Variants in STK32B observed in about 807,000 individuals in gnomAD.
The protein encoded by STK32B is serine/threonine-protein kinase 32B.
STK32B carries 43 observed loss-of-function variants against 52.6 expected under a neutral mutation model. That is an observed-to-expected ratio of 0.82 (90% CI 0.64 to 1.05). STK32B has a LOEUF of 1.05. Among genes scored for constraint, STK32B ranks in the 50% least tolerant of loss-of-function variants. The pLI is 0.00. For missense variants in STK32B, 621 were observed against 534.6 expected (o/e 1.16, Z -1.59); for synonymous variants, 238 against 204.3 (o/e 1.17, Z -1.41).
At chr4:5,244,571 T>G (rs1391166661) in intron 3 of STK32B, among the ~76,000 whole-genome samples, 1 of 152,194 alleles carries the variant, frequency 6.6e-6, no homozygotes, top group Non-Finnish European at 1.5e-5. Context: ...TGTGTCTCTG[T>G]TTCCTTCAGT....
At position 5,141,140 on chromosome 4, in the gene STK32B, A is replaced by G. The variant is rs148267843; in HGVS notation, c.108+1180A>G. 5.2e-4 allele frequency among the ~76,000 whole-genome samples: 79 copies of G among 152,320 alleles called. No homozygotes were observed. In the East Asian group the frequency reaches 0.014, roughly 27 times the overall value. The stretch of plus-strand genomic sequence containing the variant: ...TGGTAACAATTCAGTTCCACAGCAC[A>G]CTAGCTGCATTTTAAGTGCTCAGTA... On this transcript the variant is annotated intron_variant, in intron 2 of 11. Coordinates refer to ENST00000282908, the MANE Select transcript of STK32B (RefSeq NM_018401.3).
rs142937275 is a variant in STK32B at position 5,369,888 on chromosome 4, T to G, written c.435-28319T>G. 6.1e-3 allele frequency among the ~76,000 whole-genome samples: 927 copies of G among 151,262 alleles called. 11 individuals are homozygous for G. The highest frequency in any genetic ancestry group is 0.02 in the African/African-American group (826 of 41,500). On this transcript the variant is annotated intron_variant, in intron 4 of 11. Coordinates refer to ENST00000282908, the MANE Select transcript of STK32B (RefSeq NM_018401.3). ...ATTTTTTTTGTTTGTTTGTTTGTTT[T>G]TTTTTGAGACGGCGTCTTGCTCTGT...
chr4:5,099,325 A>G (rs1436759707), intron 1 of STK32B, among the ~76,000 whole-genome samples: 1 of 152,208 alleles, frequency 6.6e-6, no homozygotes, highest in Non-Finnish European at 1.5e-5. Flanking sequence ...TAGGAACTAG[A>G]ATGTGGGCAT....
At chr4:5,340,428 G>A (rs1242129836) in intron 4 of STK32B, among the ~76,000 whole-genome samples, 1 of 152,226 alleles carries the variant, frequency 6.6e-6, no homozygotes, top group Non-Finnish European at 1.5e-5. Flanking sequence ...TGGGCAGAAG[G>A]GCCCAAACTT....
intron 11 of STK32B, among the ~76,000 whole-genome samples, chr4:5,494,676 G>A (rs1054945381): frequency 1.3e-5 from 2 of 152,078 alleles, no homozygotes; most frequent in African/African-American, 4.8e-5. Context: ...AGCCTCGATG[G>A]TCTTTACATT....
intron 3 of STK32B, among the ~76,000 whole-genome samples, chr4:5,314,496 C>G (rs984964653): frequency 6.6e-6 from 1 of 152,122 alleles, no homozygotes; most frequent in East Asian, 1.9e-4. Flanking sequence ...ACGTTGAAAC[C>G]CTGTCTCTAC....
At chr4:5,298,991 C>T (rs751340655) in intron 3 of STK32B, among the ~76,000 whole-genome samples, 1 of 152,048 alleles carries the variant, frequency 6.6e-6, no homozygotes, top group Non-Finnish European at 1.5e-5. Flanking sequence ...AGTATCTGGG[C>T]CAGATAGCAC....
chr4:5,189,747 TGGCTGTGCCATTTTGGATTCC>T (rs1721033828), intron 3 of STK32B, among the ~76,000 whole-genome samples: 1 of 152,160 alleles, frequency 6.6e-6, no homozygotes, highest in Non-Finnish European at 1.5e-5. Context: ...TTTTCCAAAA[TGGCTGTGCCATTTTGGATTCC>T]CACCAGGGAG....
intron 3 of STK32B, among the ~76,000 whole-genome samples, chr4:5,276,964 A>T (rs1218624834): frequency 6.6e-6 from 1 of 152,176 alleles, no homozygotes; most frequent in Non-Finnish European, 1.5e-5. Flanking sequence ...GTTTAATGCC[A>T]TTCATTTGGA....
intron 3 of STK32B, among the ~76,000 whole-genome samples, chr4:5,315,702 C>T (rs1263466007): frequency 2.9e-5 from 4 of 136,116 alleles, no homozygotes; most frequent in South Asian, 2.3e-4. Context: ...TTTTTTGAGA[C>T]GGAGTTTCAC....
rs539108389 is a variant in STK32B, at chr4:5,399,040, G to A, written c.472+796G>A. On this transcript the variant is annotated intron_variant, in intron 5 of 11. Coordinates refer to ENST00000282908, the MANE Select transcript of STK32B (RefSeq NM_018401.3). This position sits in a 1 kb window ranked among gnomAD's most constrained non-coding sequence, Gnocchi z 5.4. ...CCTGTGTCCTGTGTTGGGATGGAATGCCCACAAAGTTTAAGAACCATGAGC... is the reference window on the plus strand; with the variant it reads ...CCTGTGTCCTGTGTTGGGATGGAATACCCACAAAGTTTAAGAACCATGAGC... Among the ~76,000 whole-genome samples the A allele has an allele frequency of 2.0e-4, 30 of 151,468 alleles. No individual in the cohort carries two copies. The South Asian group carries it at 6.2e-3, about 31-fold the overall frequency.
chr4:5,240,056 CTCTCTCTCTCTCTCTCTG>C (rs1381320823), intron 3 of STK32B, among the ~76,000 whole-genome samples: 2 of 80,638 alleles, frequency 2.5e-5, no homozygotes, highest in South Asian at 3.6e-4. Flanking sequence ...TTTCTCTTCT[CTCTCTCTCTCTCTCTCTG>C]TCTCTCTCTC....
rs1008616764 is a variant in STK32B, at chr4:5,066,595, C to G, written c.52+14680C>G. 3.3e-5 allele frequency among the ~76,000 whole-genome samples: 5 copies of G among 152,192 alleles called. No homozygotes were observed. The East Asian group carries it at 9.6e-4, about 29-fold the overall frequency. ...CTCCCAACTCACTGCAAGCTGTGTTCCCCTTCACTGAATGAGTTCAATTAG... is the reference window on the plus strand; with the variant it reads ...CTCCCAACTCACTGCAAGCTGTGTTGCCCTTCACTGAATGAGTTCAATTAG... On this transcript the variant is annotated intron_variant, in intron 1 of 11. Transcript: ENST00000282908.
intron 3 of STK32B, among the ~76,000 whole-genome samples, chr4:5,209,501 G>T (rs1936132270): frequency 6.6e-6 from 1 of 152,204 alleles, no homozygotes; most frequent in Admixed American, 6.5e-5. Flanking sequence ...TGGGATTATA[G>T]GTGAGAGCCA....
intron 1 of STK32B, among the ~76,000 whole-genome samples, chr4:5,081,810 C>A (rs1377837450): frequency 6.6e-6 from 1 of 152,088 alleles, no homozygotes; most frequent in Non-Finnish European, 1.5e-5. Context: ...TTTCTGTGTT[C>A]TCCTATACCT....
chr4:5,350,156 T>C (rs952109122), intron 4 of STK32B, among the ~76,000 whole-genome samples: 1 of 152,150 alleles, frequency 6.6e-6, no homozygotes, highest in Non-Finnish European at 1.5e-5. Flanking sequence ...AAAGGTTTAC[T>C]CCATGGCACA....
chr4:5,126,584 A>C (rs888928136), intron 1 of STK32B, among the ~76,000 whole-genome samples: 10 of 151,192 alleles, frequency 6.6e-5, no homozygotes, highest in African/African-American at 2.4e-4. Flanking sequence ...TGTAGAAATA[A>C]AAAGATATTT....
At chr4:5,079,686 A>T (rs1056826867) in intron 1 of STK32B, among the ~76,000 whole-genome samples, 3 of 151,886 alleles carry the variant, frequency 2.0e-5, no homozygotes, top group Non-Finnish European at 2.9e-5. Flanking sequence ...TTACTCTTCC[A>T]CCCCTCATTT....
chr4:5,061,968 A>G (rs1742234880), intron 1 of STK32B, among the ~76,000 whole-genome samples: 1 of 152,198 alleles, frequency 6.6e-6, no homozygotes, highest in Non-Finnish European at 1.5e-5. Context: ...TTCCCTTGAT[A>G]GCTCTGTAAC....
Sources: gnomAD v4.1 joint callset for allele counts (sites outside exome capture counted in the v4.1 genomes callset) on GRCh38, gnomAD v4.1.1 for gene constraint, Gnocchi (gnomAD v3.1) non-coding constraint, MANE v1.5 for transcripts, NCBI Gene and HGNC (gene_info 2026-07-23, HGNC 2026-07-21) for gene names.